Variants in PPHLN1 observed in about 807,000 individuals in gnomAD.
PPHLN1 encodes periphilin-1.
PPHLN1 carries 29 observed loss-of-function variants against 51.3 expected under a neutral mutation model. The observed-to-expected ratio is 0.57, with a 90% CI of 0.42 to 0.77. The LOEUF is 0.77. Ranked by LOEUF, PPHLN1 falls within the 30% of genes least tolerant of loss-of-function variation. PPHLN1 has a pLI of 0.00. For synonymous variants in PPHLN1, 147 were observed against 147.8 expected (o/e 0.99, Z 0.04); for missense variants, 436 against 438.4 (o/e 0.99, Z 0.05).
At chr12:42,413,786 C>T (rs1223992287) in intron 9 of PPHLN1, among the ~76,000 whole-genome samples, 1 of 152,072 alleles carries the variant, frequency 6.6e-6, no homozygotes, top group Non-Finnish European at 1.5e-5. Context: ...TGGCCTCAAA[C>T]TTCTGACCAC....
At chr12:42,340,153 T>A (rs1242078732) in intron 2 of PPHLN1, among the ~76,000 whole-genome samples, 3 of 151,398 alleles carry the variant, frequency 2.0e-5, no homozygotes, top group African/African-American at 7.3e-5. Flanking sequence ...CAAAAAATTT[T>A]AAAAATTAGC....
Position 42,360,243 on chromosome 12 carries a change from A to G in PPHLN1, c.299+5021A>G, listed in dbSNP as rs531241153. Among the ~76,000 whole-genome samples, 3 of 152,066 alleles carry G rather than the reference A, an allele frequency of 2.0e-5. No individual in the cohort carries two copies. In the South Asian group the frequency reaches 6.2e-4, roughly 32 times the overall value. ...AAAAAACTTGAATCTGGGCTCATAA[A>G]TCACATTTTCATAAGCTTCTTCAAT... On this transcript the variant is annotated intron_variant, in intron 4 of 9. Transcript: ENST00000358314.
intron 9 of PPHLN1, among the ~76,000 whole-genome samples, chr12:42,420,510 G>T (rs1457299247): frequency 6.7e-6 from 1 of 149,820 alleles, no homozygotes; most frequent in African/African-American, 2.5e-5. Context: ...ACTTTCTTGC[G>T]CAGGCTAGGG....
chr12:42,334,832 C>T (rs1456048876), intron 1 of PPHLN1, among the ~76,000 whole-genome samples: 2 of 152,202 alleles, frequency 1.3e-5, no homozygotes, highest in Non-Finnish European at 2.9e-5. Context: ...TCATCCACTC[C>T]AGAAGTTGTG....
intron 5 of PPHLN1, among the ~76,000 whole-genome samples, chr12:42,383,926 C>G (rs2076967869): frequency 1.5e-5 from 2 of 129,706 alleles, no homozygotes; most frequent in East Asian, 2.5e-4. Context: ...GGAGGTTGCA[C>G]TGAACTGAGA....
Position 42,387,544 on chromosome 12 carries a change from T to G in PPHLN1, c.648+9T>G, listed in dbSNP as rs2077293358. On this transcript the variant is annotated intron_variant, in intron 7 of 9. Transcript: ENST00000358314. ...CAGTTTCTTCATCAAAGGTTTGTTATATTTCTAAAATCAGTTTAAAGAAGA... is the reference window on the plus strand; with the variant it reads ...CAGTTTCTTCATCAAAGGTTTGTTAGATTTCTAAAATCAGTTTAAAGAAGA... 1 of 1,608,538 alleles carries G rather than the reference T, an allele frequency of 6.2e-7. No homozygotes were observed. The highest frequency in any genetic ancestry group is 1.7e-5 in the Admixed American group (1 of 58,712).
rs1244802926 is a variant in PPHLN1 at position 42,404,032 on chromosome 12, CTT to C, written c.909+5049_909+5050del. 5.0e-3 allele frequency among the ~76,000 whole-genome samples: 713 copies of C among 143,896 alleles called. 5 individuals carry two copies. The highest frequency in any genetic ancestry group is 0.017 in the African/African-American group (681 of 39,480). 94.4% of individuals were successfully genotyped at this position (143,896 alleles called of 152,430 possible). A position where few individuals can be genotyped will look rare whatever the true frequency, so the allele number is the denominator to read the frequency against. ...TTTCACATCTTAGAGACCTTTTCCT[CTT>C]TTTTTTTTTTCTTTTTTTTGAAACG... On this transcript the variant is annotated intron_variant, in intron 9 of 9. Coordinates refer to ENST00000358314, the MANE Select transcript of PPHLN1 (RefSeq NM_201439.2).
intron 8 of PPHLN1, among the ~76,000 whole-genome samples, chr12:42,396,727 T>C (rs1243515969): frequency 1.3e-5 from 2 of 149,238 alleles, no homozygotes; most frequent in Non-Finnish European, 3.0e-5. Flanking sequence ...GAATTGAAGT[T>C]TGCAGTGAGC....
chr12:42,446,084 G>GCCCCGCAGC, downstream of PPHLN1: 2 of 1,551,010 alleles, frequency 1.3e-6, no homozygotes, highest in South Asian at 2.4e-5. Context: ...GCCCCCGCAG[G>GCCCCGCAGC]CCCCGCAGCC....
chr12:42,343,166 C>T (rs909064577), intron 2 of PPHLN1, among the ~76,000 whole-genome samples: 1 of 152,172 alleles, frequency 6.6e-6, no homozygotes, highest in Non-Finnish European at 1.5e-5. Flanking sequence ...TTCCATATAA[C>T]ATTGTTTAAA....
chr12:42,391,441 G>A (rs1001087074), intron 7 of PPHLN1, among the ~76,000 whole-genome samples: 2 of 152,080 alleles, frequency 1.3e-5, no homozygotes, highest in Non-Finnish European at 2.9e-5. Context: ...GTTTCACCGT[G>A]TTGGCCAGGC....
intron 9 of PPHLN1, among the ~76,000 whole-genome samples, chr12:42,401,004 G>A (rs1392412169): frequency 2.0e-5 from 3 of 152,050 alleles, no homozygotes; most frequent in Admixed American, 1.3e-4. Flanking sequence ...AATGAGTAAA[G>A]CATTACATTT....
chr12:42,358,165 T>C (rs995362535), intron 4 of PPHLN1, among the ~76,000 whole-genome samples: 4 of 152,206 alleles, frequency 2.6e-5, no homozygotes, highest in Non-Finnish European at 5.9e-5. Flanking sequence ...ATCTTTCCCA[T>C]TGTGATTTTT....
intron 4 of PPHLN1, among the ~76,000 whole-genome samples, chr12:42,364,343 C>G (rs1161962374): frequency 2.0e-5 from 3 of 151,050 alleles, no homozygotes; most frequent in African/African-American, 7.3e-5. Context: ...CTTTTAAATG[C>G]TAGGGGCTGG....
intron 4 of PPHLN1, among the ~76,000 whole-genome samples, chr12:42,371,419 A>G (rs543051386): frequency 1.3e-5 from 2 of 151,862 alleles, no homozygotes; most frequent in East Asian, 1.9e-4. Flanking sequence ...CACCCGGCCA[A>G]CTCCTAGGTC....
chr12:42,350,971 A>AGGGAGAAG (rs2073264618), intron 2 of PPHLN1, among the ~76,000 whole-genome samples: 1 of 150,410 alleles, frequency 6.6e-6, no homozygotes, highest in African/African-American at 2.5e-5. Context: ...GACGGAGAGG[A>AGGGAGAAG]GGGAGAGGGG....
intron 9 of PPHLN1, among the ~76,000 whole-genome samples, chr12:42,441,090 G>A (rs2082909782): frequency 6.6e-6 from 1 of 152,192 alleles, no homozygotes; most frequent in African/African-American, 2.4e-5. Context: ...CAGTAATGTA[G>A]TTTGTTAATG....
intron 3 of PPHLN1, among the ~76,000 whole-genome samples, chr12:42,353,279 TTC>T (rs1421186386): frequency 6.6e-6 from 1 of 152,204 alleles, no homozygotes; most frequent in Non-Finnish European, 1.5e-5. Context: ...TTCCCACCTT[TTC>T]TCTTTTTCCC....
chr12:42,347,136 C>G (rs2072464175), intron 2 of PPHLN1: 1 of 152,204 alleles, frequency 6.6e-6, no homozygotes, highest in Non-Finnish European at 1.5e-5. Context: ...GAATGCCAAT[C>G]AGCTATTGGC....
Sources: allele counts gnomAD v4.1 joint callset (sites outside exome capture counted in the v4.1 genomes callset), GRCh38; gene constraint gnomAD v4.1.1; transcripts MANE v1.5; gene names NCBI Gene and HGNC (gene_info 2026-07-23, HGNC 2026-07-21).